ISOC1: variants seen among roughly 807,000 people sequenced by gnomAD.
The protein encoded by ISOC1 is isochorismatase domain containing 1.
In ISOC1, 33 loss-of-function variants were observed where a neutral mutation model predicts 30.0. The observed-to-expected ratio is 1.10, with a 90% CI of 0.83 to 1.47. The LOEUF (loss-of-function observed/expected upper bound fraction) is 1.47. ISOC1 is among the 40% of genes most tolerant of loss of function. The pLI is 0.00. For synonymous variants in ISOC1, 178 were observed against 159.8 expected (o/e 1.11, Z -0.86); for missense variants, 372 against 388.0 (o/e 0.96, Z 0.35).
chr5:129,098,553 G>A (rs539104774), intron 1 of ISOC1, among the ~76,000 whole-genome samples: 16 of 152,292 alleles, frequency 1.1e-4, no homozygotes, highest in Middle Eastern at 3.4e-3. Context: ...TTACATAAAT[G>A]TTGTATCATG....
rs375520221 is a variant in ISOC1 at position 129,106,977 on chromosome 5, A to G, written c.665A>G (p.Glu222Gly). ...THVCIQQTAL[E>G]LVGRGVEVHI... ...GTGTGCATCCAACAAACTGCCCTGG[A>G]GCTAGTTGGCCGAGGAGTCGAGGTT... Residue 222 changes from glutamate (E) to glycine (G), a missense_variant, in exon 4 of 5, where the codon GAG becomes GGG. By Grantham distance (98) the Glu-to-Gly change is moderately conservative (BLOSUM62 -2). Coordinates refer to ENST00000173527, the MANE Select transcript of ISOC1 (RefSeq NM_016048.2). The G allele has an allele frequency of 1.9e-5, 30 of 1,613,624 alleles. No individual in the cohort carries two copies. In the African/African-American group the frequency reaches 3.3e-4, roughly 18 times the overall value.
intron 1 of ISOC1, among the ~76,000 whole-genome samples, chr5:129,096,972 G>A (rs944640540): frequency 2.6e-5 from 4 of 152,088 alleles, no homozygotes; most frequent in Non-Finnish European, 5.9e-5. Flanking sequence ...ACCTGAAAAC[G>A]CTTGTACATT....
At position 129,106,630 on chromosome 5, in the gene ISOC1, G is replaced by A. The variant is rs573617851; in HGVS notation, c.634-316G>A. On this transcript the variant is annotated intron_variant, in intron 3 of 4. Transcript: ENST00000173527. Reference sequence around the variant, plus strand: ...ACCAAAACTGAGTGCTAGTAAATCAGCTATGTGAAGGTCATCCAGATCACA... The same window carrying A: ...ACCAAAACTGAGTGCTAGTAAATCAACTATGTGAAGGTCATCCAGATCACA... 1.4e-4 allele frequency among the ~76,000 whole-genome samples: 21 copies of A among 152,274 alleles called. No individual in the cohort carries two copies. The South Asian group carries it at 3.7e-3, about 27-fold the overall frequency.
Position 129,113,101 on chromosome 5 carries a change from G to T in ISOC1, c.*100G>T. 13 of 1,166,870 alleles carry T rather than the reference G, an allele frequency of 1.1e-5. No homozygotes were observed. Among genetic ancestry groups the T allele is most frequent in the East Asian group, 5.3e-5 (2 of 37,610 alleles). The allele number at this position is 1,166,870 out of a possible 1,614,324, so 72.3% of individuals were successfully genotyped here. A position where few individuals can be genotyped will look rare whatever the true frequency, so the allele number is the denominator to read the frequency against. On this transcript the variant is annotated 3_prime_UTR_variant, in exon 5 of 5. Coordinates refer to ENST00000173527, the MANE Select transcript of ISOC1 (RefSeq NM_016048.2). ...TTCTTATCTCTACTAGAATTAAAAT[G>T]TTAAGTCAAAAACGGCTCCTTTTTT...
intron 1 of ISOC1, 100 bp downstream of exon 1, chr5:129,095,175 C>G: frequency 2.5e-6 from 3 of 1,187,108 alleles, no homozygotes; most frequent in Non-Finnish European, 3.4e-6. Context: ...CCCCGAGCCG[C>G]CCGGGACCCG....
At position 129,094,941 on chromosome 5, in the gene ISOC1, G is replaced by C. The variant is rs373657055; in HGVS notation, c.175G>C (p.Gly59Arg). Residue 59 changes from glycine (G) to arginine (R), a missense_variant, in exon 1 of 5, where the codon GGC becomes CGC. Coordinates refer to ENST00000173527, the MANE Select transcript of ISOC1 (RefSeq NM_016048.2). ...LLIQKFLSLY[G>R]DQIDMHRKFV... The stretch of plus-strand genomic sequence containing the variant: ...CATCCAGAAGTTCCTCAGCCTGTAC[G>C]GCGACCAGATCGACATGCACCGCAA... 2.5e-6 allele frequency: 4 copies of C among 1,612,118 alleles called. No homozygotes were observed. In the African/African-American group the frequency reaches 4.0e-5, roughly 16 times the overall value.
chr5:129,107,010 T>C lies in ISOC1; in HGVS notation c.698T>C (p.Val233Ala). 6.2e-7 allele frequency: 1 copy of C among 1,613,932 alleles called. No individual in the cohort carries two copies. The highest frequency in any genetic ancestry group is 8.5e-7 in the Non-Finnish European group (1 of 1,179,842). ...GGCCGAGGAGTCGAGGTTCACATTGTTGCTGATGCCACCTCATCAAGAAGC... is the reference window on the plus strand; with the variant it reads ...GGCCGAGGAGTCGAGGTTCACATTGCTGCTGATGCCACCTCATCAAGAAGC... The part of the protein sequence containing the change: ...LVGRGVEVHI[V>A]ADATSSRSMM... Residue 233 changes from valine (V) to alanine (A), a missense_variant, in exon 4 of 5, where the codon GTT becomes GCT. By Grantham distance (64) the Val-to-Ala change is moderately conservative. Transcript: ENST00000173527.
At chr5:129,095,188 C>A in intron 1 of ISOC1, 113 bp downstream of exon 1, 1 of 1,101,640 alleles carries the variant, frequency 9.1e-7, no homozygotes, top group East Asian at 2.9e-5. Flanking sequence ...GGGACCCGGG[C>A]CCTGCGCGAG....
Position 129,113,079 on chromosome 5 carries a change from T to G in ISOC1, c.*78T>G. ...GACTGTAAGCCCACACAAGCTCTTC[T>G]TATCTCTACTAGAATTAAAATGTTA... On this transcript the variant is annotated 3_prime_UTR_variant, in exon 5 of 5. Coordinates refer to ENST00000173527, the MANE Select transcript of ISOC1 (RefSeq NM_016048.2). 7.5e-7 allele frequency: 1 copy of G among 1,335,986 alleles called. No individual in the cohort carries two copies. The highest frequency in any genetic ancestry group is 1.0e-6 in the Non-Finnish European group (1 of 981,342). The allele number at this position is 1,335,986 out of a possible 1,614,324, so 82.8% of individuals were successfully genotyped here. A position where few individuals can be genotyped will look rare whatever the true frequency, so the allele number is the denominator to read the frequency against.
At chr5:129,110,622 G>T (rs980363579) in intron 4 of ISOC1, among the ~76,000 whole-genome samples, 7 of 151,970 alleles carry the variant, frequency 4.6e-5, no homozygotes, top group African/African-American at 1.7e-4. Context: ...GTATTTCTGT[G>T]ATGTACACTT....
intron 1 of ISOC1, among the ~76,000 whole-genome samples, chr5:129,102,387 G>A (rs770102129): frequency 1.3e-5 from 2 of 152,034 alleles, no homozygotes; most frequent in African/African-American, 2.4e-5. Context: ...GGATTTTAGG[G>A]CTGTATTTTT....
In ISOC1 at chr5:129,101,161, C is replaced by CAAAAA. The variant is rs1156603818; in HGVS notation, c.310-3767_310-3763dup. ...AGCTGGGCCACCAAGCTCAGCTAAT[C>CAAAAA]AAAAAAAAAAAAAAAAAAAAAAAAA... On this transcript the variant is annotated intron_variant, in intron 1 of 4. Transcript: ENST00000173527. Among the ~76,000 whole-genome samples the CAAAAA allele has an allele frequency of 2.5e-3, 49 of 19,506 alleles. 4 individuals are homozygous for CAAAAA. The highest frequency in any genetic ancestry group is 2.9e-3 in the Non-Finnish European group (33 of 11,428). 12.8% of individuals were successfully genotyped at this position (19,506 alleles called of 152,430 possible).
At position 129,113,215 on chromosome 5, in the gene ISOC1, C is replaced by G. The variant is rs1166825345; in HGVS notation, c.*214C>G. The G allele has an allele frequency of 7.2e-6, 3 of 418,150 alleles. 1 individual carries two copies. Among genetic ancestry groups the G allele is most frequent in the African/African-American group, 6.1e-5 (3 of 49,154 alleles). 25.9% of individuals were successfully genotyped at this position (418,150 alleles called of 1,614,324 possible). On this transcript the variant is annotated 3_prime_UTR_variant, in exon 5 of 5. Transcript: ENST00000173527. ...AAAGGCTTCCGGTGCTGCTTACCTT[C>G]CTTTTTTGTTAATGTGCTTTTATTT...
rs750316328 is a variant in ISOC1 at position 129,112,854 on chromosome 5, G to A, written c.751-1G>A. ...GATTTGCCTTTATCTTTTTGTTCAAGCGTCTCGCTCGAACCGGGATCATAG... is the reference window on the plus strand; with the variant it reads ...GATTTGCCTTTATCTTTTTGTTCAAACGTCTCGCTCGAACCGGGATCATAG... On this transcript the variant is annotated splice_acceptor_variant, in intron 4 of 4. Coordinates refer to ENST00000173527, the MANE Select transcript of ISOC1 (RefSeq NM_016048.2). LOFTEE classifies it high-confidence loss of function. 6.2e-7 allele frequency: 1 copy of A among 1,610,512 alleles called. No individual in the cohort carries two copies. Among genetic ancestry groups the A allele is most frequent in the Non-Finnish European group, 8.5e-7 (1 of 1,178,862 alleles).
intron 4 of ISOC1, among the ~76,000 whole-genome samples, chr5:129,111,998 A>G (rs762603519): frequency 1.1e-4 from 17 of 152,312 alleles, no homozygotes; most frequent in Non-Finnish European, 2.4e-4. Context: ...TTTTAGCACC[A>G]GTCATTTCTA....
At position 129,098,093 on chromosome 5, in the gene ISOC1, A is replaced by G. The variant is rs3822829; in HGVS notation, c.309+3018A>G. Among the ~76,000 whole-genome samples, 10 of 152,268 alleles carry G rather than the reference A, an allele frequency of 6.6e-5. No individual in the cohort carries two copies. In the East Asian group the frequency reaches 1.9e-3, roughly 29 times the overall value. ...CTGGCTCACGTACTGTTAGTCTAGA[A>G]TGTATTCTTCATTTGCGCCGTGGTA... On this transcript the variant is annotated intron_variant, in intron 1 of 4. Transcript: ENST00000173527.
At chr5:129,107,401 C>G (rs566685532) in intron 4 of ISOC1, among the ~76,000 whole-genome samples, 1 of 152,234 alleles carries the variant, frequency 6.6e-6, no homozygotes, top group East Asian at 1.9e-4. Flanking sequence ...AAAAATAGCT[C>G]AGTTGGGTTT....
intron 1 of ISOC1, among the ~76,000 whole-genome samples, chr5:129,100,312 G>A (rs1454988306): frequency 6.6e-6 from 1 of 152,106 alleles, no homozygotes; most frequent in Non-Finnish European, 1.5e-5. Context: ...TCCCAGCTAT[G>A]ACAATTCTTA....
In ISOC1 at chr5:129,105,212, C is replaced by T; in HGVS notation, c.457C>T (p.Pro153Ser). The change falls in exon 3 of 5, where the codon CCT (proline) becomes TCT (serine). Residue 153 changes from proline (P) to serine (S), a missense_variant. Pro to Ser is a moderately conservative substitution (Grantham distance 74, BLOSUM62 -1). Transcript: ENST00000173527. Reference sequence around the variant, plus strand: ...GCAAGGGGCCCGGATTTTAGGAATTCCTGTTATTGTAACAGAACAATACCC... The same window carrying T: ...GCAAGGGGCCCGGATTTTAGGAATTTCTGTTATTGTAACAGAACAATACCC... ...LLQGARILGI[P>S]VIVTEQYPKG... The T allele has an allele frequency of 6.2e-7, 1 of 1,613,134 alleles. No homozygotes were observed. Among genetic ancestry groups the T allele is most frequent in the Middle Eastern group, 1.7e-4 (1 of 6,060 alleles).
Sources: allele counts gnomAD v4.1 joint callset (sites outside exome capture counted in the v4.1 genomes callset), GRCh38; gene constraint gnomAD v4.1.1; transcripts MANE v1.5; gene names NCBI Gene and HGNC (gene_info 2026-07-23, HGNC 2026-07-21).